The following ZFHX3 variants were observed in gnomAD, a reference collection of about 807,000 sequenced individuals.
The protein encoded by ZFHX3 is zinc finger homeobox 3.
A neutral mutation model predicts 279.1 loss-of-function variants in ZFHX3; 42 were observed. The observed-to-expected ratio is 0.15, with a 90% CI of 0.12 to 0.19. ZFHX3 has a LOEUF of 0.19. Among genes scored for constraint, ZFHX3 ranks in the 10% least tolerant of loss-of-function variants. The probability of loss-of-function intolerance (pLI) is 1.00; values close to 1 mark genes in which losing one functional copy is unlikely to be tolerated. For missense variants in ZFHX3, 4,981 were observed against 4,754.0 expected, an observed-to-expected ratio of 1.05 and a Z score of -1.40; for synonymous variants, 2,293 against 1,957.8, an observed-to-expected ratio of 1.17 and a Z score of -4.52.
At chr16:73,030,212 T>C (rs1964647600) in intron 1 of ZFHX3, among the ~76,000 whole-genome samples, 1 of 152,200 alleles carries the variant, frequency 6.6e-6, no homozygotes, top group South Asian at 2.1e-4. Flanking sequence ...AAGAGTGGCC[T>C]GGAGACTCGC....
intron 2 of ZFHX3, among the ~76,000 whole-genome samples, chr16:73,537,083 T>C (rs555973455): frequency 6.6e-6 from 1 of 152,222 alleles, no homozygotes; most frequent in South Asian, 2.1e-4. Flanking sequence ...GCTGGGCGAA[T>C]AAGAGACCTG....
chr16:73,780,905 T>A (rs1402062475), intron 1 of ZFHX3, among the ~76,000 whole-genome samples: 2 of 152,270 alleles, frequency 1.3e-5, no homozygotes, highest in African/African-American at 4.8e-5. Flanking sequence ...CTTTTTTAGA[T>A]ACCTATTTGC....
At chr16:73,201,328 G>A (rs377437243) in intron 5 of ZFHX3, among the ~76,000 whole-genome samples, 7 of 152,348 alleles carry the variant, frequency 4.6e-5, no homozygotes, top group African/African-American at 1.7e-4. Context: ...GGTGTGGGGA[G>A]AGTAGGGGAG....
chr16:73,407,179 C>A (rs1420349383), intron 3 of ZFHX3, among the ~76,000 whole-genome samples: 1 of 152,212 alleles, frequency 6.6e-6, no homozygotes, highest in Admixed American at 6.5e-5. Flanking sequence ...GACCTCCCTA[C>A]CTCCAGCCAC....
rs1178159203 is a variant in ZFHX3 at position 73,019,370 on chromosome 16, G to A, written c.-50+28382C>T. ...TGTGTGTGTGTGTGTGTGTGTGTGC[G>A]TGTGCGTGTGCGTGTCTGCACGCGC... On this transcript the variant is annotated intron_variant, in intron 1 of 9. Transcript: ENST00000268489. 4.8e-5 allele frequency among the ~76,000 whole-genome samples: 7 copies of A among 144,786 alleles called. No individual in the cohort carries two copies. In the South Asian group the frequency reaches 8.6e-4, roughly 18 times the overall value. 95.0% of individuals were successfully genotyped at this position (144,786 alleles called of 152,430 possible).
At chr16:73,496,861 T>C (rs1004136706) in intron 2 of ZFHX3, among the ~76,000 whole-genome samples, 1 of 152,170 alleles carries the variant, frequency 6.6e-6, no homozygotes, top group African/African-American at 2.4e-5. Context: ...TCCCTCTGCG[T>C]TGGGTGGCCT....
chr16:73,093,774 A>G (rs1415906623), intron 7 of ZFHX3: 1 of 280,574 alleles, frequency 3.6e-6, no homozygotes, highest in Non-Finnish European at 7.3e-6. Context: ...CGCAACCTAA[A>G]TTCCATTCCT....
intron 7 of ZFHX3, among the ~76,000 whole-genome samples, chr16:73,116,800 T>C (rs1966437494): frequency 6.6e-6 from 1 of 152,166 alleles, no homozygotes; most frequent in South Asian, 2.1e-4. Context: ...AAAAACCACA[T>C]TTTTCTATCT....
At chr16:73,149,193 T>TTA (rs949218328) in intron 5 of ZFHX3, among the ~76,000 whole-genome samples, 2 of 76,088 alleles carry the variant, frequency 2.6e-5, no homozygotes, top group Non-Finnish European at 5.1e-5. Context: ...ATATTTTACT[T>TTA]TATATTATAT....
intron 2 of ZFHX3, among the ~76,000 whole-genome samples, chr16:73,637,855 A>G (rs1019537221): frequency 1.2e-4 from 19 of 152,208 alleles, no homozygotes; most frequent in African/African-American, 4.6e-4. Flanking sequence ...ACTAGAAAAT[A>G]AGACAAGAAC....
intron 1 of ZFHX3, among the ~76,000 whole-genome samples, chr16:73,879,827 A>C (rs74810729): frequency 9.3e-5 from 14 of 150,620 alleles, no homozygotes; most frequent in South Asian, 4.2e-4. Flanking sequence ...TGGCGCACCC[A>C]CACACACACA....
intron 1 of ZFHX3, among the ~76,000 whole-genome samples, chr16:73,036,829 A>C (rs1027594198): frequency 2.6e-5 from 4 of 152,226 alleles, no homozygotes; most frequent in Admixed American, 6.5e-5. Context: ...AATGAAAAAA[A>C]ATAAAATTGT....
In ZFHX3 at chr16:72,883,371, G is replaced by A. The variant is rs138639096; in HGVS notation, c.3448+6360C>T. On this transcript the variant is annotated intron_variant, in intron 4 of 9. Transcript: ENST00000268489. ...AAAGACAACCAAGATTTACTTCTTC[G>A]TAGCCTGTTAGTGATTCTGCTAAAA... 1.0e-3 allele frequency among the ~76,000 whole-genome samples: 152 copies of A among 152,156 alleles called. 1 individual carries two copies. The highest frequency in any genetic ancestry group is 2.9e-3 in the African/African-American group (119 of 41,516).
chr16:73,786,882 GC>G (rs1447089932), intron 1 of ZFHX3, among the ~76,000 whole-genome samples: 1 of 152,144 alleles, frequency 6.6e-6, no homozygotes, highest in Non-Finnish European at 1.5e-5. Context: ...GGCAGCCAGA[GC>G]CTCCAATAGC....
intron 1 of ZFHX3, among the ~76,000 whole-genome samples, chr16:73,848,694 A>G (rs971063564): frequency 6.6e-6 from 1 of 152,230 alleles, no homozygotes; most frequent in African/African-American, 2.4e-5. Flanking sequence ...TCCTCAATGC[A>G]TTCATTCTGT....
chr16:73,063,022 C>T (rs1965705274), upstream of ZFHX3, among the ~76,000 whole-genome samples: 1 of 152,254 alleles, frequency 6.6e-6, no homozygotes, highest in Admixed American at 6.5e-5. Flanking sequence ...CTTCGGGCTC[C>T]TCGGCAGCGC....
chr16:73,334,603 C>T lies in ZFHX3; in HGVS notation c.-1290-16267G>A, dbSNP rs577524411. Among the ~76,000 whole-genome samples the T allele has an allele frequency of 4.6e-5, 7 of 151,926 alleles. No individual in the cohort carries two copies. The East Asian group carries it at 9.8e-4, about 21-fold the overall frequency. On this transcript the variant is annotated intron_variant, in intron 3 of 17. Coordinates refer to the ZFHX3 transcript ENST00000641206. The stretch of plus-strand genomic sequence containing the variant: ...GCCCGCTCCCCAAAGGACCGTCAGC[C>T]GAGTGGCCACTCGCAGTCACTCTTC...
intron 3 of ZFHX3, among the ~76,000 whole-genome samples, chr16:72,935,669 G>C (rs370429244): frequency 3.3e-5 from 5 of 151,808 alleles, no homozygotes; most frequent in Admixed American, 2.0e-4. Flanking sequence ...GGGAGGGGGG[G>C]GTTGCAGTGA....
intron 3 of ZFHX3, among the ~76,000 whole-genome samples, chr16:73,442,384 G>T (rs1265276750): frequency 6.6e-6 from 1 of 150,996 alleles, no homozygotes; most frequent in Non-Finnish European, 1.5e-5. Flanking sequence ...TCTGAGACAG[G>T]GTCTTGCTCT....
Sources: gnomAD v4.1 joint callset for allele counts (sites outside exome capture counted in the v4.1 genomes callset) on GRCh38, gnomAD v4.1.1 for gene constraint, MANE v1.5 for transcripts, NCBI Gene and HGNC (gene_info 2026-07-23, HGNC 2026-07-21) for gene names.